ITK: variants seen among roughly 807,000 people sequenced by gnomAD.
The protein encoded by ITK is IL2 inducible T cell kinase, also known as tyrosine-protein kinase ITK/TSK.
In ITK, 45 loss-of-function variants were observed where a neutral mutation model predicts 87.6. The observed-to-expected ratio is 0.51, with a 90% CI of 0.40 to 0.66. The LOEUF (loss-of-function observed/expected upper bound fraction) is 0.66. Ranked by LOEUF, ITK falls within the 30% of genes least tolerant of loss-of-function variation. The pLI, the probability that ITK is intolerant of heterozygous loss-of-function variation, is 0.00. For synonymous variants in ITK, 303 were observed against 273.6 expected, an observed-to-expected ratio of 1.11 and a Z score of -1.06; for missense variants, 605 against 766.3, an observed-to-expected ratio of 0.79 and a Z score of 2.48.
chr5:157,200,889 A>G (rs1038972721), intron 1 of ITK, among the ~76,000 whole-genome samples: 3 of 152,182 alleles, frequency 2.0e-5, no homozygotes, highest in African/African-American at 7.2e-5. Flanking sequence ...GGGTCTACTG[A>G]GCACCTGAAG....
At chr5:157,211,647 C>T in intron 3 of ITK, 2 of 450,222 alleles carry the variant, frequency 4.4e-6, no homozygotes, top group South Asian at 2.3e-5. Context: ...ACATAAGATG[C>T]TTGATTTTGT....
chr5:157,200,361 G>T (rs753532979), intron 1 of ITK, among the ~76,000 whole-genome samples: 2 of 152,210 alleles, frequency 1.3e-5, no homozygotes, highest in African/African-American at 2.4e-5. Flanking sequence ...GTAAGAATGA[G>T]AGCAGGTTGT....
chr5:157,247,502 A>T (rs1161957794), intron 15 of ITK, among the ~76,000 whole-genome samples: 1 of 152,240 alleles, frequency 6.6e-6, no homozygotes, highest in Non-Finnish European at 1.5e-5. Context: ...CCACTTTAGC[A>T]CATTCACCTT....
intron 7 of ITK, among the ~76,000 whole-genome samples, chr5:157,228,900 T>A (rs1026749076): frequency 3.9e-5 from 6 of 152,160 alleles, no homozygotes; most frequent in African/African-American, 1.4e-4. Flanking sequence ...ACTGCTGGGA[T>A]CACAGGTATG....
chr5:157,194,176 A>G (rs923214617), intron 1 of ITK, among the ~76,000 whole-genome samples: 6 of 152,158 alleles, frequency 3.9e-5, no homozygotes, highest in Non-Finnish European at 2.9e-5. Context: ...ACATTTTGCA[A>G]GAAGGTAATT....
At chr5:157,239,936 G>T in intron 9 of ITK, 126 bp from the exon 10 acceptor site, 1 of 965,200 alleles carries the variant, frequency 1.0e-6, no homozygotes, top group Non-Finnish European at 1.6e-6. Flanking sequence ...CTTATAAGTT[G>T]AACAATATCT....
intron 1 of ITK, among the ~76,000 whole-genome samples, chr5:157,193,961 A>G (rs1405649928): frequency 6.6e-6 from 1 of 152,322 alleles, no homozygotes; most frequent in East Asian, 1.9e-4. Flanking sequence ...TCCTCCTTAC[A>G]ATTCTTTGAA....
At chr5:157,188,416 C>T (rs139999192) in intron 1 of ITK, among the ~76,000 whole-genome samples, 15 of 152,286 alleles carry the variant, frequency 9.8e-5, no homozygotes, top group Non-Finnish European at 1.6e-4. Flanking sequence ...ACCACACTCC[C>T]TTTATGTGCT....
chr5:157,218,410 G>C (rs1160045622), intron 5 of ITK, among the ~76,000 whole-genome samples: 5 of 151,744 alleles, frequency 3.3e-5, no homozygotes, highest in African/African-American at 1.2e-4. Context: ...AGCAAGCTGA[G>C]GTGGGAGGAT....
chr5:157,243,608 C>G lies in ITK; in HGVS notation c.1061-15C>G. 6.2e-7 allele frequency: 1 copy of G among 1,611,124 alleles called. No individual in the cohort carries two copies. Among genetic ancestry groups the G allele is most frequent in the Non-Finnish European group, 8.5e-7 (1 of 1,178,930 alleles). On this transcript the variant is annotated splice_polypyrimidine_tract_variant and intron_variant, in intron 11 of 16. Coordinates refer to ENST00000422843, the MANE Select transcript of ITK (RefSeq NM_005546.4). ...CTGCTTGCTGACCCCAGAGAACTCT[C>G]TCTCTCTCTTCCAGGGAAATGGGTG...
intron 1 of ITK, among the ~76,000 whole-genome samples, chr5:157,198,283 TTC>T (rs1753891530): frequency 6.6e-6 from 1 of 152,244 alleles, no homozygotes; most frequent in Non-Finnish European, 1.5e-5. Flanking sequence ...GTAAGAATAA[TTC>T]TTTTTCTTTT....
Position 157,222,849 on chromosome 5 carries a change from T to C in ITK, c.496-14T>C, listed in dbSNP as rs770068364. Reference sequence around the variant, plus strand: ...TTTATGTCTTTGCTTGGTTTTGTTGTCTCTCTTCCCCAGCGACCACTTTGG... The same window carrying C: ...TTTATGTCTTTGCTTGGTTTTGTTGCCTCTCTTCCCCAGCGACCACTTTGG... On this transcript the variant is annotated splice_polypyrimidine_tract_variant and intron_variant, in intron 5 of 16. Coordinates refer to ENST00000422843, the MANE Select transcript of ITK (RefSeq NM_005546.4). 5.6e-6 allele frequency: 9 copies of C among 1,613,974 alleles called. No individual in the cohort carries two copies. In the South Asian group the frequency reaches 9.9e-5, roughly 18 times the overall value.
intron 1 of ITK, among the ~76,000 whole-genome samples, chr5:157,191,164 G>T (rs887226141): frequency 6.6e-6 from 1 of 151,762 alleles, no homozygotes; most frequent in Non-Finnish European, 1.5e-5. Flanking sequence ...TTTTGAGACG[G>T]AGTCTCACTC....
intron 16 of ITK, among the ~76,000 whole-genome samples, 159 bp from the exon 17 acceptor site, chr5:157,252,448 C>G (rs1179646852): frequency 6.6e-6 from 1 of 152,160 alleles, no homozygotes; most frequent in East Asian, 1.9e-4. Flanking sequence ...TCCAGAATAC[C>G]TGCTGTTAAC....
intron 9 of ITK, 107 bp from the exon 10 acceptor site, chr5:157,239,955 G>T: frequency 8.9e-7 from 1 of 1,120,328 alleles, no homozygotes. Context: ...CTGCCACCTT[G>T]TGAGAGGTTA....
chr5:157,254,921 C>G lies in ITK; in HGVS notation c.*2243C>G. On this transcript the variant is annotated 3_prime_UTR_variant, in exon 17 of 17. Transcript: ENST00000422843. ...TTCCTGCCTGGTTTTTCTCTTCTCA[C>G]ATTTTTTAAATGGTCCCCTGTGTTT... is the stretch of plus-strand genomic sequence containing the variant. 4.7e-6 allele frequency: 1 copy of G among 214,776 alleles called. No individual in the cohort carries two copies. The highest frequency in any genetic ancestry group is 9.4e-6 in the Non-Finnish European group (1 of 106,460). 13.3% of individuals were successfully genotyped at this position (214,776 alleles called of 1,614,324 possible).
chr5:157,212,159 C>G (rs1336581269), intron 3 of ITK, among the ~76,000 whole-genome samples: 2 of 152,152 alleles, frequency 1.3e-5, no homozygotes, highest in Non-Finnish European at 2.9e-5. Flanking sequence ...TGACTAAAAA[C>G]AGTCATGGAG....
intron 1 of ITK, chr5:157,194,940 T>C (rs558241280): frequency 9.9e-5 from 15 of 152,260 alleles, no homozygotes; most frequent in African/African-American, 3.6e-4. Context: ...TCATAATTCA[T>C]TATAATTTGC....
chr5:157,203,165 G>A (rs1247951761), intron 1 of ITK, among the ~76,000 whole-genome samples: 1 of 152,158 alleles, frequency 6.6e-6, no homozygotes, highest in African/African-American at 2.4e-5. Flanking sequence ...TCTCTTTCCA[G>A]CACTTCTTTG....
Sources: allele counts gnomAD v4.1 joint callset (sites outside exome capture counted in the v4.1 genomes callset), GRCh38; gene constraint gnomAD v4.1.1; transcripts MANE v1.5; gene names NCBI Gene and HGNC (gene_info 2026-07-23, HGNC 2026-07-21).